Variants in EIF4E3 observed in about 807,000 individuals in gnomAD.
EIF4E3 encodes eukaryotic translation initiation factor 4E family member 3.
EIF4E3 carries 26 observed loss-of-function variants against 31.7 expected under a neutral mutation model. The ratio of observed to expected loss-of-function variants is 0.82; its 90% CI spans 0.60 to 1.14. The LOEUF (loss-of-function observed/expected upper bound fraction) is 1.14. Ranked by LOEUF, EIF4E3 falls within the 50% of genes most tolerant of loss-of-function variation. The pLI is 0.00. For missense variants in EIF4E3, 304 were observed against 270.9 expected (o/e 1.12, Z -0.86); for synonymous variants, 128 against 107.7 (o/e 1.19, Z -1.17).
intron 2 of EIF4E3, among the ~76,000 whole-genome samples, chr3:71,705,893 G>A: frequency 6.6e-6 from 1 of 152,122 alleles, no homozygotes; most frequent in Non-Finnish European, 1.5e-5. Context: ...TTCCTGAGTA[G>A]CTGAGATCAC....
In EIF4E3 at chr3:71,745,650, T is replaced by C. The variant is rs566426653; in HGVS notation, c.-291+7813A>G. ...TATTTATACCATTATTCCATGCACA[T>C]GAAGAGATGCTTAAGGAATAGGTTT... On this transcript the variant is annotated intron_variant, in intron 1 of 7. Transcript: ENST00000295612. Among the ~76,000 whole-genome samples, 5 of 152,292 alleles carry C rather than the reference T, an allele frequency of 3.3e-5. No homozygotes were observed. The South Asian group carries it at 8.3e-4, about 25-fold the overall frequency.
chr3:71,752,867 C>T (rs938775614), intron 1 of EIF4E3, among the ~76,000 whole-genome samples: 2 of 152,150 alleles, frequency 1.3e-5, no homozygotes, highest in Admixed American at 6.5e-5. Context: ...CAAGGTCCTG[C>T]GAGACAAATG....
At chr3:71,754,660 TG>T (rs1420169833), upstream of EIF4E3, 1 of 1,502,298 alleles carries the variant, frequency 6.7e-7, no homozygotes, top group Non-Finnish European at 8.8e-7. This position sits in a 1 kb window ranked among gnomAD's most constrained non-coding sequence, Gnocchi z 5.8. Flanking sequence ...TACCTCCGCC[TG>T]CTCTTCTTCA....
chr3:71,696,821 T>C (rs1263369440), intron 3 of EIF4E3, among the ~76,000 whole-genome samples: 2 of 150,680 alleles, frequency 1.3e-5, no homozygotes, highest in East Asian at 3.9e-4. Context: ...GTTCACGCCA[T>C]TCTCCTGCCT....
chr3:71,693,963 A>G (rs1264628169), intron 4 of EIF4E3, 22 bp from the exon 5 acceptor site: 1 of 1,529,966 alleles, frequency 6.5e-7, no homozygotes, highest in Admixed American at 2.2e-5. Flanking sequence ...AAAGAATAAA[A>G]AACAAAACAA....
At chr3:71,732,788 A>G (rs1205519243) in intron 1 of EIF4E3, among the ~76,000 whole-genome samples, 1 of 152,246 alleles carries the variant, frequency 6.6e-6, no homozygotes, top group Non-Finnish European at 1.5e-5. Context: ...ATGTGATCAG[A>G]GGAAAGTCCA....
At chr3:71,736,390 TGAAAG>T (rs1457283701) in intron 1 of EIF4E3, among the ~76,000 whole-genome samples, 2 of 152,216 alleles carry the variant, frequency 1.3e-5, no homozygotes, top group African/African-American at 4.8e-5. Context: ...TGCCATAACT[TGAAAG>T]GAGACAAGAT....
chr3:71,752,552 A>C (rs1341460591), intron 1 of EIF4E3, among the ~76,000 whole-genome samples: 6 of 152,142 alleles, frequency 3.9e-5, no homozygotes, highest in African/African-American at 1.4e-4. Flanking sequence ...TTCTGCACAG[A>C]AGAAAAAACA....
chr3:71,735,588 C>T (rs59669399), intron 1 of EIF4E3, among the ~76,000 whole-genome samples: 1 of 152,006 alleles, frequency 6.6e-6, no homozygotes, highest in Non-Finnish European at 1.5e-5. Flanking sequence ...AACAAAGAAA[C>T]GCAATACTGT....
chr3:71,693,750 A>G (rs913780491), intron 5 of EIF4E3, 125 bp downstream of exon 5: 4 of 886,924 alleles, frequency 4.5e-6, no homozygotes, highest in Non-Finnish European at 4.8e-6. Context: ...GTAACTTTGT[A>G]GTTCCAAAAT....
chr3:71,747,480 T>C (rs2049885731), intron 1 of EIF4E3, among the ~76,000 whole-genome samples: 1 of 152,226 alleles, frequency 6.6e-6, no homozygotes, highest in Non-Finnish European at 1.5e-5. Context: ...GGGTTGTCTT[T>C]TTTGAGTTAT....
intron 1 of EIF4E3, among the ~76,000 whole-genome samples, chr3:71,711,052 A>T (rs1236869352): frequency 6.6e-6 from 1 of 152,228 alleles, no homozygotes; most frequent in Non-Finnish European, 1.5e-5. Flanking sequence ...TGGCTGATTT[A>T]ATTAGCTCAG....
intron 1 of EIF4E3, among the ~76,000 whole-genome samples, chr3:71,749,016 C>T (rs2049900313): frequency 6.6e-6 from 1 of 152,200 alleles, no homozygotes; most frequent in Non-Finnish European, 1.5e-5. Flanking sequence ...ATACAAAAGT[C>T]AATTAAATCA....
chr3:71,700,757 T>G (rs1378057671), intron 2 of EIF4E3, among the ~76,000 whole-genome samples: 1 of 152,108 alleles, frequency 6.6e-6, no homozygotes, highest in African/African-American at 2.4e-5. Flanking sequence ...ATCTCTCCCC[T>G]GCTAAAGGAA....
intron 1 of EIF4E3, among the ~76,000 whole-genome samples, chr3:71,740,041 T>G (rs1239028980): frequency 6.6e-6 from 1 of 151,878 alleles, no homozygotes. Flanking sequence ...AAGTTAAAAA[T>G]GTACACTGTG....
At position 71,676,003 on chromosome 3, in the gene EIF4E3, G is replaced by A. The variant is rs370751064; in HGVS notation, c.*8679C>T. 1.5e-4 allele frequency: 23 copies of A among 152,278 alleles called. No individual in the cohort carries two copies. The East Asian group carries it at 4.4e-3, about 29-fold the overall frequency. 9.4% of individuals were successfully genotyped at this position (152,278 alleles called of 1,614,324 possible). On this transcript the variant is annotated 3_prime_UTR_variant, in exon 7 of 7. Transcript: ENST00000425534. ...GACAGCATCTACCTCGTAGAGTGTT[G>A]GGGAGAACTAACCTCTATGCTTAGA...
Position 71,732,925 on chromosome 3 carries a change from G to T in EIF4E3, c.-290-4302C>A, listed in dbSNP as rs553337912. Among the ~76,000 whole-genome samples the T allele has an allele frequency of 3.3e-5, 5 of 152,192 alleles. No homozygotes were observed. The South Asian group carries it at 1.0e-3, about 32-fold the overall frequency. ...TAACACCTGCTTTGCAGTGCTGCCT[G>T]AAGGATCAAATCAGGAACATTTGGT... On this transcript the variant is annotated intron_variant, in intron 1 of 7. Transcript: ENST00000295612.
downstream of EIF4E3, among the ~76,000 whole-genome samples, chr3:71,674,089 A>ATTTT: frequency 3.5e-5 from 1 of 28,544 alleles, no homozygotes; most frequent in Non-Finnish European, 8.9e-5. Context: ...CATCAACTGT[A>ATTTT]CTTTTTTTTT....
chr3:71,712,852 CA>C (rs11403409), intron 1 of EIF4E3, among the ~76,000 whole-genome samples: 12,854 of 121,110 alleles, frequency 0.11, 1,006 homozygotes, highest in African/African-American at 0.26. Context: ...TAACCTAGAC[CA>C]AAAAAAAAAA....
Sources: allele counts gnomAD v4.1 joint callset (sites outside exome capture counted in the v4.1 genomes callset), GRCh38; gene constraint gnomAD v4.1.1; non-coding constraint Gnocchi (gnomAD v3.1); transcripts MANE v1.5; gene names NCBI Gene and HGNC (gene_info 2026-07-23, HGNC 2026-07-21).